The following CFAP47 variants were observed in gnomAD, a reference collection of about 807,000 sequenced individuals.
The protein encoded by CFAP47 is cilia and flagella associated protein 47, also known as cilia- and flagella-associated protein 47.
Under a neutral mutation model 148.1 loss-of-function variants are expected in CFAP47, and 29 were observed. That is an observed-to-expected ratio of 0.20 (90% CI 0.15 to 0.27). The LOEUF (loss-of-function observed/expected upper bound fraction) is 0.27. CFAP47 is among the 10% of genes least tolerant of loss of function. CFAP47 has a pLI of 1.00. For synonymous variants in CFAP47, 664 were observed against 577.3 expected, an observed-to-expected ratio of 1.15 and a Z score of -2.15; for missense variants, 1,872 against 1,697.5, an observed-to-expected ratio of 1.10 and a Z score of -1.81.
At chrX:35,934,911 A>G (rs777737170) in intron 2 of CFAP47, among the ~76,000 whole-genome samples, 2 of 111,076 alleles carry the variant, frequency 1.8e-5, no homozygotes, top group South Asian at 7.6e-4. Context: ...GCTCTATCCT[A>G]CTGTGGCTAA....
rs72628199 is a variant in CFAP47, at chrX:36,248,780, A to G, written c.7333-2553A>G. Among the ~76,000 whole-genome samples the G allele has an allele frequency of 1.7e-4, 19 of 111,004 alleles. No individual in the cohort carries two copies. In the East Asian group the frequency reaches 5.3e-3, roughly 31 times the overall value. ...TATTCTCCCAGATAGACTATGTCTT[A>G]TAGCATAAAATAAACCTTAATAAAT... On this transcript the variant is annotated intron_variant, in intron 48 of 63. Coordinates refer to ENST00000378653, the MANE Select transcript of CFAP47 (RefSeq NM_001304548.2).
At chrX:36,085,571 A>G in intron 30 of CFAP47, 33 bp downstream of exon 30, 1 of 946,511 alleles carries the variant, frequency 1.1e-6, no homozygotes. Context: ...ATAAGCATAT[A>G]ACTCTGGCTT....
chrX:36,111,452 C>T (rs1371140629), intron 33 of CFAP47, among the ~76,000 whole-genome samples: 1 of 112,215 alleles, frequency 8.9e-6, no homozygotes, highest in African/African-American at 3.2e-5. Context: ...GGGATAAAGA[C>T]TACTTGATCA....
At chrX:36,152,444 T>C (rs144169244) in intron 37 of CFAP47, among the ~76,000 whole-genome samples, 1,275 of 111,797 alleles carry the variant, frequency 0.011, 13 homozygotes, top group African/African-American at 0.039. Flanking sequence ...CAACAGTGGC[T>C]CCTTCCTTGA....
intron 33 of CFAP47, among the ~76,000 whole-genome samples, chrX:36,126,655 C>A (rs1938844652): frequency 8.9e-6 from 1 of 111,916 alleles, no homozygotes; most frequent in South Asian, 3.7e-4. Context: ...AGTTCTAGAT[C>A]CTTGAGGAAT....
intron 8 of CFAP47, among the ~76,000 whole-genome samples, chrX:35,956,468 C>G (rs752374765): frequency 8.9e-6 from 1 of 111,881 alleles, no homozygotes; most frequent in Non-Finnish European, 1.9e-5. Context: ...TAGACATATA[C>G]ACAGGTAGGT....
At chrX:36,267,147 TG>T (rs1329875516) in intron 49 of CFAP47, among the ~76,000 whole-genome samples, 1 of 112,119 alleles carries the variant, frequency 8.9e-6, no homozygotes, top group Non-Finnish European at 1.9e-5. Context: ...TGCTTTTTTC[TG>T]TGTTTTTCTT....
intron 29 of CFAP47, among the ~76,000 whole-genome samples, chrX:36,081,479 C>T (rs1464941091): frequency 9.0e-6 from 1 of 111,326 alleles, no homozygotes; most frequent in Admixed American, 9.6e-5. Context: ...AAGACTCCTC[C>T]CTAACACACT....
intron 62 of CFAP47, among the ~76,000 whole-genome samples, chrX:36,376,648 A>C (rs1207070051): frequency 1.8e-5 from 2 of 111,679 alleles, no homozygotes; most frequent in Non-Finnish European, 3.8e-5. Flanking sequence ...TTATACTTTA[A>C]GTTCTAGGGT....
At chrX:35,924,469 A>G (rs112604253) in intron 1 of CFAP47, among the ~76,000 whole-genome samples, 16,135 of 104,650 alleles carry the variant, frequency 0.15, 1,174 homozygotes, top group South Asian at 0.26. Flanking sequence ...AGGTGCACCT[A>G]TATGTGTATA....
chrX:35,921,058 C>CA (rs1037226067), intron 1 of CFAP47, among the ~76,000 whole-genome samples: 1 of 111,251 alleles, frequency 9.0e-6, no homozygotes, highest in Non-Finnish European at 1.9e-5. Flanking sequence ...GATGAATTTA[C>CA]AAAAAAATAA....
chrX:36,104,483 T>A lies in CFAP47; in HGVS notation c.5128-16T>A. On this transcript the variant is annotated splice_polypyrimidine_tract_variant and intron_variant, in intron 32 of 63. Transcript: ENST00000378653. ...TTCCATTTGCATCTAATAAAAGTTATCTCTCCCAATTTCAGGTTTTGGTTC... is the reference window on the plus strand; with the variant it reads ...TTCCATTTGCATCTAATAAAAGTTAACTCTCCCAATTTCAGGTTTTGGTTC... 1.5e-6 allele frequency: 1 copy of A among 652,125 alleles called. No individual in the cohort carries two copies. The highest frequency in any genetic ancestry group is 3.8e-5 in the East Asian group (1 of 26,009). The allele number at this position is 652,125 out of a possible 1,213,427, so 53.7% of individuals were successfully genotyped here. A position where few individuals can be genotyped will look rare whatever the true frequency, so the allele number is the denominator to read the frequency against.
chrX:36,019,594 A>G (rs1293017632), intron 22 of CFAP47, among the ~76,000 whole-genome samples: 2 of 111,739 alleles, frequency 1.8e-5, no homozygotes, highest in East Asian at 2.8e-4. Flanking sequence ...GGTTGTCGCT[A>G]TTACTATAAC....
At chrX:36,106,001 T>C (rs5973574) in intron 33 of CFAP47, among the ~76,000 whole-genome samples, 6,205 of 111,789 alleles carry the variant, frequency 0.056, 472 homozygotes, top group African/African-American at 0.19. Context: ...GTGCTTCCTG[T>C]TCCCTTTGAC....
chrX:36,145,878 G>GA (rs11439684), intron 36 of CFAP47, among the ~76,000 whole-genome samples: 15,076 of 97,605 alleles, frequency 0.15, 1,014 homozygotes, highest in East Asian at 0.3. Context: ...AAAAATTGAA[G>GA]AAAAAAAAAA....
chrX:36,047,126 A>G, intron 26 of CFAP47, 63 bp downstream of exon 26: 1 of 748,153 alleles, frequency 1.3e-6, no homozygotes. Context: ...TTTATATTTT[A>G]CACCATGGTA....
intron 15 of CFAP47, among the ~76,000 whole-genome samples, chrX:35,984,095 C>A (rs769475729): frequency 9.0e-6 from 1 of 111,059 alleles, no homozygotes; most frequent in Non-Finnish European, 1.9e-5. Flanking sequence ...TGGTTCTGGG[C>A]TTTTTCTGGT....
chrX:36,020,534 C>T (rs1937145570), intron 22 of CFAP47, among the ~76,000 whole-genome samples: 1 of 111,955 alleles, frequency 8.9e-6, no homozygotes, highest in African/African-American at 3.2e-5. Flanking sequence ...GGTTCATATA[C>T]ATTTATAATC....
intron 45 of CFAP47, among the ~76,000 whole-genome samples, chrX:36,221,326 G>A (rs990728535): frequency 2.0e-4 from 22 of 111,728 alleles, no homozygotes; most frequent in African/African-American, 7.1e-4. Flanking sequence ...TTGAATTACT[G>A]TAAGATATTT....
Sources: allele counts gnomAD v4.1 joint callset (sites outside exome capture counted in the v4.1 genomes callset), GRCh38; gene constraint gnomAD v4.1.1; transcripts MANE v1.5; gene names NCBI Gene and HGNC (gene_info 2026-07-23, HGNC 2026-07-21).